The following NCOR2 variants were observed in gnomAD, a reference collection of about 807,000 sequenced individuals.
NCOR2 encodes the protein CTG repeat protein 26.
NCOR2 carries 81 observed loss-of-function variants against 262.9 expected under a neutral mutation model. That is an observed-to-expected ratio of 0.31 (90% CI 0.26 to 0.37). The LOEUF (loss-of-function observed/expected upper bound fraction) is 0.37, where lower values mean the gene tolerates loss of function less well. Among genes scored for constraint, NCOR2 ranks in the 10% least tolerant of loss-of-function variants. The probability of loss-of-function intolerance (pLI) is 1.00; values close to 1 mark genes in which losing one functional copy is unlikely to be tolerated. For missense variants in NCOR2, 3,385 were observed against 3,621.4 expected (o/e 0.93, Z 1.68); for synonymous variants, 1,659 against 1,559.3 (o/e 1.06, Z -1.51).
At chr12:124,425,167 G>T (rs1394045003) in intron 11 of NCOR2, among the ~76,000 whole-genome samples, 1 of 152,174 alleles carries the variant, frequency 6.6e-6, no homozygotes, top group Admixed American at 6.5e-5. Context: ...GAGGTCAGGA[G>T]ATCGAGACCA....
chr12:124,462,454 C>T (rs1714311559), intron 5 of NCOR2, among the ~76,000 whole-genome samples: 1 of 152,244 alleles, frequency 6.6e-6, no homozygotes, highest in South Asian at 2.1e-4. Context: ...AAACAGAGCC[C>T]CATGCCCATG....
At chr12:124,325,402 T>A in exon 47 of NCOR2, 1 of 291,244 alleles carries the variant, frequency 3.4e-6, no homozygotes, top group Non-Finnish European at 5.7e-6. Flanking sequence ...CTGTTCTGAG[T>A]CACTCGCTGT....
chr12:124,343,318 A>C (rs2036613780), intron 32 of NCOR2, 92 bp from the exon 35 acceptor site: 7 of 1,004,052 alleles, frequency 7.0e-6, no homozygotes, highest in Admixed American at 2.9e-5. Flanking sequence ...CCCAAGGACC[A>C]GGTCTCTTCA....
chr12:124,470,691 A>T (rs1240290818), intron 4 of NCOR2, among the ~76,000 whole-genome samples: 1 of 152,230 alleles, frequency 6.6e-6, no homozygotes, highest in East Asian at 1.9e-4. Flanking sequence ...AGCTCCTATG[A>T]GGCTTCCCTG....
intron 16 of NCOR2, among the ~76,000 whole-genome samples, chr12:124,390,931 C>T (rs1417333815): frequency 1.3e-5 from 2 of 152,252 alleles, no homozygotes; most frequent in Non-Finnish European, 2.9e-5. Context: ...AGTGGAGAGC[C>T]AGGCGCAGGG....
At chr12:124,485,482 G>A (rs991048588) in intron 2 of NCOR2, among the ~76,000 whole-genome samples, 11 of 152,352 alleles carry the variant, frequency 7.2e-5, no homozygotes, top group Admixed American at 7.2e-4. Context: ...AGCCTTCTGA[G>A]GGGGCGCGGC....
At chr12:124,430,154 A>G (rs2043833014) in intron 9 of NCOR2, among the ~76,000 whole-genome samples, 1 of 152,224 alleles carries the variant, frequency 6.6e-6, no homozygotes, top group Non-Finnish European at 1.5e-5. Context: ...ATCATTACCA[A>G]TGAATCGCCT....
At chr12:124,402,788 G>A (rs552832817) in intron 13 of NCOR2, among the ~76,000 whole-genome samples, 1 of 152,248 alleles carries the variant, frequency 6.6e-6, no homozygotes, top group Admixed American at 6.5e-5. Flanking sequence ...AGGCGGAGTC[G>A]GGGTGAGGGG....
At chr12:124,332,666 G>A (rs546291605) in intron 42 of NCOR2, among the ~76,000 whole-genome samples, 199 bp from the exon 45 acceptor site, 1 of 152,164 alleles carries the variant, frequency 6.6e-6, no homozygotes, top group African/African-American at 2.4e-5. Flanking sequence ...GGCTAGGGGT[G>A]TCTTGGGAGA....
chr12:124,399,173 G>A (rs2041860309), intron 15 of NCOR2, among the ~76,000 whole-genome samples: 1 of 152,080 alleles, frequency 6.6e-6, no homozygotes, highest in Non-Finnish European at 1.5e-5. Flanking sequence ...GCCCCGACAG[G>A]CCAGAGCCAC....
At position 124,437,444 on chromosome 12, in the gene NCOR2, G is replaced by A. The variant is rs1056142110; in HGVS notation, c.882+486C>T. On this transcript the variant is annotated intron_variant, in intron 8 of 46. Transcript: ENST00000405201. ...TTGGATGAGGCCACTGGCCACAAATGCAGGCTCAGGGAAAGGGGGCTCAAT... is the reference window on the plus strand; with the variant it reads ...TTGGATGAGGCCACTGGCCACAAATACAGGCTCAGGGAAAGGGGGCTCAAT... Among the ~76,000 whole-genome samples the A allele has an allele frequency of 3.3e-5, 5 of 152,326 alleles. No homozygotes were observed. In the South Asian group the frequency reaches 1.0e-3, roughly 32 times the overall value.
exon 47 of NCOR2, chr12:124,325,319 G>T: frequency 2.1e-6 from 2 of 963,150 alleles, no homozygotes; most frequent in Non-Finnish European, 2.8e-6. Flanking sequence ...GGTTGGGGGA[G>T]TCGGCAGCCG....
chr12:124,399,533 C>A (rs1435493194), intron 15 of NCOR2, among the ~76,000 whole-genome samples: 3 of 152,178 alleles, frequency 2.0e-5, no homozygotes, highest in Non-Finnish European at 4.4e-5. Flanking sequence ...GTTCTAACCC[C>A]AGCTACAATG....
At chr12:124,343,247 T>C (rs760186127) in intron 32 of NCOR2, 21 bp from the exon 35 acceptor site, 2 of 1,602,318 alleles carry the variant, frequency 1.2e-6, no homozygotes, top group Non-Finnish European at 1.7e-6. Context: ...GCAAGGTGGA[T>C]GCATCGGGCC....
At chr12:124,543,056 G>T (rs1030612060) in intron 1 of NCOR2, among the ~76,000 whole-genome samples, 4 of 152,152 alleles carry the variant, frequency 2.6e-5, no homozygotes, top group African/African-American at 9.7e-5. Context: ...GGGCGAAGAT[G>T]GGGGTCACAG....
At chr12:124,333,615 A>G (rs1053416534) in intron 41 of NCOR2, among the ~76,000 whole-genome samples, 2 of 151,530 alleles carry the variant, frequency 1.3e-5, no homozygotes, top group Admixed American at 1.3e-4. Flanking sequence ...CTGCCCCCCA[A>G]AGATGTCCTG....
chr12:124,334,332 T>C, intron 41 of NCOR2, 92 bp downstream of exon 43: 4 of 941,234 alleles, frequency 4.2e-6, no homozygotes, highest in Non-Finnish European at 4.7e-6. Flanking sequence ...GGGCCTCATA[T>C]GCAGCTGAGC....
At chr12:124,486,325 G>T in intron 2 of NCOR2, 116 bp downstream of exon 4, 1 of 1,468,856 alleles carries the variant, frequency 6.8e-7, no homozygotes, top group South Asian at 1.3e-5. Context: ...CACACGGCCC[G>T]ACATCCCCTC....
At chr12:124,550,104 G>A (rs1467197292) in intron 1 of NCOR2, among the ~76,000 whole-genome samples, 1 of 151,924 alleles carries the variant, frequency 6.6e-6, no homozygotes, top group Non-Finnish European at 1.5e-5. Flanking sequence ...GTGCTACTGG[G>A]GTCTGGTGGA....
Sources: gnomAD v4.1 joint callset for allele counts (sites outside exome capture counted in the v4.1 genomes callset) on GRCh38, gnomAD v4.1.1 for gene constraint, MANE v1.5 for transcripts, NCBI Gene and HGNC (gene_info 2026-07-23, HGNC 2026-07-21) for gene names.